The following RYR1 variants were observed in gnomAD, a reference collection of about 807,000 sequenced individuals.
RYR1 encodes the protein ryanodine receptor 1, also known as central core disease of muscle.
In RYR1, 342 loss-of-function variants were observed where a neutral mutation model predicts 583.5. The ratio of observed to expected loss-of-function variants is 0.59; its 90% CI spans 0.54 to 0.64. The LOEUF (loss-of-function observed/expected upper bound fraction) is 0.64. Ranked by LOEUF, RYR1 falls within the 30% of genes least tolerant of loss-of-function variation. The probability of loss-of-function intolerance (pLI) is 0.00; values close to 1 mark genes in which losing one functional copy is unlikely to be tolerated. For missense variants in RYR1, 6,032 were observed against 6,917.2 expected, an observed-to-expected ratio of 0.87 and a Z score of 4.54; for synonymous variants, 2,791 against 2,822.5, an observed-to-expected ratio of 0.99 and a Z score of 0.35.
chr19:38,460,438 T>C lies in RYR1; in HGVS notation c.2424T>C (p.Ala808=), dbSNP rs1167309517. 1.9e-6 allele frequency: 3 copies of C among 1,614,162 alleles called. No individual in the cohort carries two copies. The highest frequency in any genetic ancestry group is 1.7e-6 in the Non-Finnish European group (2 of 1,180,026). The change falls in exon 20 of 106, where the codon GCT becomes GCC. Residue 808 remains alanine (A), a synonymous_variant. Coordinates refer to ENST00000359596, the MANE Select transcript of RYR1 (RefSeq NM_000540.3). The part of the protein sequence containing the change: ...EFKFLPPPGY[A]PCHEAVLPRE... The stretch of plus-strand genomic sequence containing the variant: ...AGTTCCTGCCCCCACCTGGCTATGC[T>C]CCATGCCATGAGGCTGTGCTCCCTC...
At chr19:38,441,376 T>G (rs1972674632) in intron 2 of RYR1, among the ~76,000 whole-genome samples, 3 of 128,176 alleles carry the variant, frequency 2.3e-5, no homozygotes, top group African/African-American at 2.9e-5. Flanking sequence ...TATTATGGGG[T>G]GTTTTAGGGG....
chr19:38,576,448 C>CA (rs1168811976), intron 97 of RYR1, among the ~76,000 whole-genome samples: 2 of 151,332 alleles, frequency 1.3e-5, no homozygotes, highest in African/African-American at 2.4e-5. Context: ...GACCTCATCT[C>CA]AAAAAAAATA....
At chr19:38,555,480 C>T (rs911546997) in intron 89 of RYR1, among the ~76,000 whole-genome samples, 5 of 150,190 alleles carry the variant, frequency 3.3e-5, no homozygotes, top group Admixed American at 6.7e-5. Context: ...TGTGTGTGTG[C>T]GCACGTGTGT....
Position 38,489,478 on chromosome 19 carries a change from C to G in RYR1, c.5814+35C>G, listed in dbSNP as rs16972654. ...TGCTTCCTGCTTTTCGGCCTCTGTC[C>G]ATCTGGGCTGGGAGACACAGGGTAG... On this transcript the variant is annotated intron_variant, in intron 35 of 105. Transcript: ENST00000359596. The G allele has an allele frequency of 0.1, 163,838 of 1,612,628 alleles. 9,657 individuals are homozygous for G. The highest frequency in any genetic ancestry group is 0.2 in the South Asian group (18,555 of 91,034).
chr19:38,564,475 G>A (rs940668730), intron 90 of RYR1, among the ~76,000 whole-genome samples: 3 of 152,126 alleles, frequency 2.0e-5, no homozygotes, highest in Non-Finnish European at 4.4e-5. Flanking sequence ...CAGTGAGACA[G>A]CGTCACTTCA....
Position 38,459,354 on chromosome 19 carries a change from C to G in RYR1, c.2360+16C>G, listed in dbSNP as rs368752829. The G allele has an allele frequency of 3.1e-6, 5 of 1,612,872 alleles. No homozygotes were observed. In the East Asian group the frequency reaches 6.7e-5, roughly 22 times the overall value. ...CTGGTGTCAAGTGAGAACTTGCCCC[C>G]ACCCCACGGCCAGTCCTCAGACCTA... On this transcript the variant is annotated intron_variant, in intron 19 of 105. Coordinates refer to ENST00000359596, the MANE Select transcript of RYR1 (RefSeq NM_000540.3).
intron 71 of RYR1, among the ~76,000 whole-genome samples, chr19:38,525,812 C>T (rs1050765016): frequency 6.6e-6 from 1 of 151,610 alleles, no homozygotes; most frequent in Admixed American, 6.6e-5. Flanking sequence ...CCCACCGGAC[C>T]ATGCCAAACC....
chr19:38,575,637 T>C (rs1973922453), intron 96 of RYR1, among the ~76,000 whole-genome samples: 1 of 151,930 alleles, frequency 6.6e-6, no homozygotes, highest in Non-Finnish European at 1.5e-5. Flanking sequence ...ACCTCGTCTC[T>C]ACTAAAAATA....
chr19:38,565,435 G>A lies in RYR1; in HGVS notation c.13101G>A (p.Leu4367=). The A allele has an allele frequency of 6.7e-7, 1 of 1,493,846 alleles. No individual in the cohort carries two copies. The highest frequency in any genetic ancestry group is 8.9e-7 in the Non-Finnish European group (1 of 1,128,980). The allele number at this position is 1,493,846 out of a possible 1,614,324, so 92.5% of individuals were successfully genotyped here. ...GGGGCTCGCTGTTCGGCGGCGGCCT[G>A]GTGGAGGGCGCCAAGAAGGTGACGG... ...LLWGSLFGGG[L]VEGAKKVTVT... The change falls in exon 91 of 106, where the codon CTG becomes CTA. Residue 4367 remains leucine (L), a synonymous_variant. Coordinates refer to ENST00000359596, the MANE Select transcript of RYR1 (RefSeq NM_000540.3). This position sits in a 1 kb window ranked among gnomAD's most constrained non-coding sequence, Gnocchi z 4.7.
chr19:38,450,739 A>G (rs1967029242), intron 11 of RYR1, among the ~76,000 whole-genome samples: 1 of 138,068 alleles, frequency 7.2e-6, no homozygotes, highest in Admixed American at 7.9e-5. Flanking sequence ...TGAGCTGGCC[A>G]TGTTGCCCAT....
chr19:38,464,123 A>G (rs909637269), intron 22 of RYR1, among the ~76,000 whole-genome samples: 1 of 151,868 alleles, frequency 6.6e-6, no homozygotes, highest in African/African-American at 2.4e-5. Context: ...CTAAAAATAC[A>G]AAACTTAGCC....
chr19:38,523,579 T>C, intron 69 of RYR1: 1 of 598,564 alleles, frequency 1.7e-6, no homozygotes, highest in Non-Finnish European at 3.0e-6. Flanking sequence ...TTCTCCCTCC[T>C]CCCATTTCCC....
chr19:38,498,944 G>A (rs1969969950), intron 42 of RYR1, among the ~76,000 whole-genome samples, 164 bp from the exon 43 acceptor site: 1 of 152,222 alleles, frequency 6.6e-6, no homozygotes, highest in African/African-American at 2.4e-5. Context: ...AGATGGAGTT[G>A]CTGTAGTTTA....
intron 58 of RYR1, among the ~76,000 whole-genome samples, chr19:38,509,586 G>A (rs1405629126): frequency 6.6e-6 from 1 of 151,710 alleles, no homozygotes; most frequent in Non-Finnish European, 1.5e-5. Context: ...CGAGTAGCTG[G>A]GACTACAGGC....
chr19:38,562,947 A>C (rs968038864), intron 90 of RYR1, among the ~76,000 whole-genome samples: 2 of 150,918 alleles, frequency 1.3e-5, no homozygotes, highest in Non-Finnish European at 1.5e-5. Flanking sequence ...CTGCATACAC[A>C]CCCCCATCTG....
intron 19 of RYR1, among the ~76,000 whole-genome samples, chr19:38,459,846 G>A (rs550634785): frequency 3.3e-5 from 5 of 152,132 alleles, no homozygotes; most frequent in Admixed American, 6.5e-5. Context: ...AGCATCTCCC[G>A]ATGACCTTTC....
At position 38,571,900 on chromosome 19, in the gene RYR1, C is replaced by T. The variant is rs538970030; in HGVS notation, c.13747-119C>T. Reference sequence around the variant, plus strand: ...AGGCCCAACCCTTGATCTTGATTGACAGCCACACCAAGACTGTATCTGGTA... The same window carrying T: ...AGGCCCAACCCTTGATCTTGATTGATAGCCACACCAAGACTGTATCTGGTA... On this transcript the variant is annotated intron_variant, in intron 94 of 105. Transcript: ENST00000359596. 2.1e-5 allele frequency: 30 copies of T among 1,445,766 alleles called. No individual in the cohort carries two copies. The African/African-American group carries it at 4.0e-4, about 19-fold the overall frequency. 89.6% of individuals were successfully genotyped at this position (1,445,766 alleles called of 1,614,324 possible). A position where few individuals can be genotyped will look rare whatever the true frequency, so the allele number is the denominator to read the frequency against.
intron 27 of RYR1, among the ~76,000 whole-genome samples, chr19:38,469,756 C>T (rs1282059397): frequency 1.3e-5 from 2 of 151,872 alleles, no homozygotes; most frequent in African/African-American, 2.4e-5. Flanking sequence ...ACAAGCAAAA[C>T]TCCATCTCTA....
rs768562994 is a variant in RYR1 at position 38,477,772 on chromosome 19, C to T, written c.4356C>T (p.Val1452=). 6.2e-7 allele frequency: 1 copy of T among 1,614,116 alleles called. No homozygotes were observed. The highest frequency in any genetic ancestry group is 8.5e-7 in the Non-Finnish European group (1 of 1,180,022). Residue 1452 remains valine (V), a synonymous_variant, in exon 30 of 106, where the codon GTC becomes GTT. Transcript: ENST00000359596. ...CCAGCTGCGTGTGGGCGGGCTGGGT[C>T]ACCCCTGACTACCATCAGCACGACA... The part of the protein sequence containing the change: ...QEPSCVWAGW[V]TPDYHQHDMS...
Sources: allele counts gnomAD v4.1 joint callset (sites outside exome capture counted in the v4.1 genomes callset), GRCh38; gene constraint gnomAD v4.1.1; non-coding constraint Gnocchi (gnomAD v3.1); transcripts MANE v1.5; gene names NCBI Gene and HGNC (gene_info 2026-07-23, HGNC 2026-07-21).